KLHDC2: variants seen among roughly 807,000 people sequenced by gnomAD.
KLHDC2 encodes the protein kelch domain-containing protein 2.
A neutral mutation model predicts 62.3 loss-of-function variants in KLHDC2; 38 were observed. The ratio of observed to expected loss-of-function variants is 0.61; its 90% CI spans 0.47 to 0.80. The LOEUF (loss-of-function observed/expected upper bound fraction) is 0.80. Among genes scored for constraint, KLHDC2 ranks in the 30% least tolerant of loss-of-function variants. The probability of loss-of-function intolerance (pLI) is 0.00; values close to 1 mark genes in which losing one functional copy is unlikely to be tolerated. For synonymous variants in KLHDC2, 159 were observed against 161.0 expected, an observed-to-expected ratio of 0.99 and a Z score of 0.09; for missense variants, 430 against 495.3, an observed-to-expected ratio of 0.87 and a Z score of 1.25.
In KLHDC2 at chr14:49,777,919, A is replaced by G. The variant is rs915582795; in HGVS notation, c.432A>G (p.Ser144=). 8.1e-6 allele frequency: 13 copies of G among 1,612,014 alleles called. No individual in the cohort carries two copies. Among genetic ancestry groups the G allele is most frequent in the Non-Finnish European group, 1.1e-5 (13 of 1,178,618 alleles). ...ATTGCCAAGGAATTCCTCCATCATCAAAGGACAAACTTGGTGTCTGGGTAT... is the reference window on the plus strand; with the variant it reads ...ATTGCCAAGGAATTCCTCCATCATCGAAGGACAAACTTGGTGTCTGGGTAT... ...RIDCQGIPPS[S]KDKLGVWVYK... is the part of the protein sequence containing the mutation. The change falls in exon 4 of 13, where the codon TCA becomes TCG. Residue 144 remains serine (S), a synonymous_variant. Coordinates refer to ENST00000298307, the MANE Select transcript of KLHDC2 (RefSeq NM_014315.3).
chr14:49,782,149 C>T (rs1889932848), intron 10 of KLHDC2: 1 of 510,762 alleles, frequency 2.0e-6, no homozygotes. Context: ...CTCCTCATTG[C>T]ATAAATGAGA....
chr14:49,771,378 T>C (rs1264935273), intron 1 of KLHDC2, among the ~76,000 whole-genome samples: 1 of 152,068 alleles, frequency 6.6e-6, no homozygotes, highest in African/African-American at 2.4e-5. Flanking sequence ...AGATCTCTTC[T>C]TGTCCTATTG....
Position 49,785,227 on chromosome 14 carries a change from T to C in KLHDC2, c.*2274T>C. The C allele has an allele frequency of 6.2e-7, 1 of 1,613,146 alleles. No homozygotes were observed. The highest frequency in any genetic ancestry group is 8.5e-7 in the Non-Finnish European group (1 of 1,179,116). On this transcript the variant is annotated 3_prime_UTR_variant, in exon 13 of 13. Transcript: ENST00000298307. ...CAACTAATGGTAACTTACTTGTAGT[T>C]TGTCATGGTGGTGTAAGGGGCACAT...
intron 6 of KLHDC2, among the ~76,000 whole-genome samples, chr14:49,779,200 G>A (rs1010283452): frequency 6.6e-6 from 1 of 152,050 alleles, no homozygotes. Context: ...TGGATTTTCC[G>A]ATTACAGATA....
chr14:49,776,107 C>G (rs1019523275), intron 3 of KLHDC2, among the ~76,000 whole-genome samples: 4 of 152,106 alleles, frequency 2.6e-5, no homozygotes, highest in African/African-American at 9.7e-5. Flanking sequence ...TGTAGCTCCA[C>G]TTTTGTTTGT....
chr14:49,781,587 G>A (rs1188385057), intron 10 of KLHDC2, among the ~76,000 whole-genome samples: 1 of 151,676 alleles, frequency 6.6e-6, no homozygotes, highest in East Asian at 1.9e-4. Flanking sequence ...AAATTAGCTA[G>A]GTGTGGTAGC....
chr14:49,770,190 G>A (rs548269069), intron 1 of KLHDC2, among the ~76,000 whole-genome samples: 2 of 152,254 alleles, frequency 1.3e-5, no homozygotes, highest in South Asian at 2.1e-4. Flanking sequence ...GATTGGGGCC[G>A]ATTCAGGGAG....
intron 10 of KLHDC2, among the ~76,000 whole-genome samples, 170 bp downstream of exon 10, chr14:49,780,945 T>TCCGTCA (rs1298633411): frequency 2.6e-5 from 4 of 152,368 alleles, no homozygotes; most frequent in African/African-American, 9.6e-5. Context: ...TGATCTCCTT[T>TCCGTCA]CCGTCATCTG....
At position 49,779,199 on chromosome 14, in the gene KLHDC2, C is replaced by T. The variant is rs118084362; in HGVS notation, c.634-396C>T. On this transcript the variant is annotated intron_variant, in intron 6 of 12. Transcript: ENST00000298307. ...GGAGCATCTCATATTTTGGATTTTC[C>T]GATTACAGATACTCAAACTGTAATT... Among the ~76,000 whole-genome samples, 82 of 152,208 alleles carry T rather than the reference C, an allele frequency of 5.4e-4. 1 individual carries two copies. In the East Asian group the frequency reaches 0.012, roughly 22 times the overall value.
chr14:49,778,407 G>A lies in KLHDC2; in HGVS notation c.550-4G>A. 1 of 1,528,942 alleles carries A rather than the reference G, an allele frequency of 6.5e-7. No homozygotes were observed. Among genetic ancestry groups the A allele is most frequent in the Non-Finnish European group, 9.0e-7 (1 of 1,112,638 alleles). The allele number at this position is 1,528,942 out of a possible 1,614,324, so 94.7% of individuals were successfully genotyped here. On this transcript the variant is annotated splice_polypyrimidine_tract_variant and splice_region_variant and intron_variant, in intron 5 of 12. Coordinates refer to ENST00000298307, the MANE Select transcript of KLHDC2 (RefSeq NM_014315.3). ...AAAATAACGCGGATTCTTATTTTCT[G>A]TAGAATTCAAGTCATCCAAGAGGAT...
chr14:49,784,721 A>T lies in KLHDC2; in HGVS notation c.*1768A>T. 6.2e-7 allele frequency: 1 copy of T among 1,609,484 alleles called. No homozygotes were observed. The highest frequency in any genetic ancestry group is 8.5e-7 in the Non-Finnish European group (1 of 1,176,534). On this transcript the variant is annotated 3_prime_UTR_variant, in exon 13 of 13. Coordinates refer to ENST00000298307, the MANE Select transcript of KLHDC2 (RefSeq NM_014315.3). ...TCTTGATAAATCTGTGTCCTAAAAA[A>T]AGAAAATTGCTGAATATCTTCACAT...
intron 10 of KLHDC2, among the ~76,000 whole-genome samples, chr14:49,781,149 G>C (rs1889891346): frequency 6.6e-6 from 1 of 152,064 alleles, no homozygotes; most frequent in Admixed American, 6.6e-5. Flanking sequence ...GAGGCAGGTG[G>C]ATCACCTGAG....
intron 3 of KLHDC2, among the ~76,000 whole-genome samples, chr14:49,776,933 AT>A (rs1361501463): frequency 0.042 from 65 of 1,542 alleles, no homozygotes; most frequent in Admixed American, 0.15. Context: ...AAAAAAAGAA[AT>A]ATATATATAT....
At position 49,782,610 on chromosome 14, in the gene KLHDC2, C is replaced by G. The variant is rs916389956; in HGVS notation, c.1097+16C>G. The G allele has an allele frequency of 1.3e-6, 2 of 1,578,422 alleles. No homozygotes were observed. The highest frequency in any genetic ancestry group is 1.7e-6 in the Non-Finnish European group (2 of 1,155,524). On this transcript the variant is annotated intron_variant, in intron 12 of 12. Transcript: ENST00000298307. ...CTCTTGTACGGTAAGTAACTTTGTA[C>G]TTGGCACTTAGATTATTTAAAATTG...
Position 49,779,655 on chromosome 14 carries a change from G to C in KLHDC2, c.694G>C (p.Val232Leu). The change falls in exon 7 of 13, where the codon GTG becomes CTG. Residue 232 changes from valine to leucine, a missense_variant. By Grantham distance (32) the Val-to-Leu change is conservative. Coordinates refer to ENST00000298307, the MANE Select transcript of KLHDC2 (RefSeq NM_014315.3). ...TGCAACTGTCGGAAATAGAGGCTTC[G>C]TGTTTGGAGGCAGATATCGAGTAAG... is the stretch of plus-strand genomic sequence containing the variant. ...ACATVGNRGFVFGGRYRDARM... is the reference protein window; with the variant it reads ...ACATVGNRGFLFGGRYRDARM... 5.6e-6 allele frequency: 9 copies of C among 1,614,144 alleles called. No homozygotes were observed. The highest frequency in any genetic ancestry group is 7.6e-6 in the Non-Finnish European group (9 of 1,180,004).
chr14:49,775,259 A>C (rs1467080845), intron 3 of KLHDC2, among the ~76,000 whole-genome samples: 1 of 152,232 alleles, frequency 6.6e-6, no homozygotes, highest in East Asian at 1.9e-4. Context: ...TGAGTTGCCA[A>C]ATAAATGAAT....
At chr14:49,778,639 T>C in intron 6 of KLHDC2, 145 bp downstream of exon 6, 1 of 577,004 alleles carries the variant, frequency 1.7e-6, no homozygotes, top group Non-Finnish European at 3.1e-6. Context: ...ATCCATAACT[T>C]TAATGATTTC....
intron 12 of KLHDC2, 61 bp downstream of exon 12, chr14:49,782,655 C>T: frequency 7.0e-7 from 1 of 1,433,772 alleles, no homozygotes; most frequent in South Asian, 1.3e-5. Context: ...AGACTTAGCA[C>T]TCTCGAAAAA....
chr14:49,769,773 C>T (rs974368914), intron 1 of KLHDC2, among the ~76,000 whole-genome samples: 4 of 33,294 alleles, frequency 1.2e-4, no homozygotes, highest in Non-Finnish European at 1.1e-4. Context: ...TCCGTCTCTA[C>T]TAAAAATACA....
Sources: allele counts gnomAD v4.1 joint callset (sites outside exome capture counted in the v4.1 genomes callset), GRCh38; gene constraint gnomAD v4.1.1; transcripts MANE v1.5; gene names NCBI Gene and HGNC (gene_info 2026-07-23, HGNC 2026-07-21).